The following ERBB4 variants were observed in gnomAD, a reference collection of about 807,000 sequenced individuals.
The protein encoded by ERBB4 is erb-b2 receptor tyrosine kinase 4.
A neutral mutation model predicts 158.0 loss-of-function variants in ERBB4; 42 were observed. The ratio of observed to expected loss-of-function variants is 0.27; its 90% CI spans 0.21 to 0.34. The LOEUF is 0.34. Among genes scored for constraint, ERBB4 ranks in the 10% least tolerant of loss-of-function variants. The pLI, the probability that ERBB4 is intolerant of heterozygous loss-of-function variation, is 1.00. For missense variants in ERBB4, 1,333 were observed against 1,624.1 expected, an observed-to-expected ratio of 0.82 and a Z score of 3.08; for synonymous variants, 583 against 558.7, an observed-to-expected ratio of 1.04 and a Z score of -0.61.
chr2:212,100,882 T>C (rs1053914777), intron 2 of ERBB4, among the ~76,000 whole-genome samples: 29 of 152,312 alleles, frequency 1.9e-4, no homozygotes, highest in African/African-American at 6.5e-4. Flanking sequence ...GGAAGGTTAC[T>C]ATTCTCAAGA....
At chr2:211,951,135 A>G (rs1289042469) in intron 2 of ERBB4, among the ~76,000 whole-genome samples, 1 of 152,160 alleles carries the variant, frequency 6.6e-6, no homozygotes, top group African/African-American at 2.4e-5. Flanking sequence ...CCATCATTCC[A>G]AAACAAACTT....
At chr2:211,774,489 G>A (rs1348433669) in intron 4 of ERBB4, among the ~76,000 whole-genome samples, 5 of 151,988 alleles carry the variant, frequency 3.3e-5, no homozygotes, top group Admixed American at 1.3e-4. Context: ...GTTTATATCC[G>A]CCTCTTCACG....
chr2:212,522,845 C>T (rs1008005898), intron 1 of ERBB4, among the ~76,000 whole-genome samples: 4 of 151,958 alleles, frequency 2.6e-5, no homozygotes, highest in South Asian at 4.1e-4. Context: ...CCATCTACCA[C>T]GCAGGTTTAA....
At position 211,788,017 on chromosome 2, in the gene ERBB4, CT is replaced by C; in HGVS notation, c.556+7del. On this transcript the variant is annotated splice_region_variant and intron_variant, in intron 4 of 27. Coordinates refer to ENST00000342788, the MANE Select transcript of ERBB4 (RefSeq NM_005235.3). ...TTTTGAGAAATTAAAAAGAATAATT[CT>C]ACTTACATCCTGAACTACCATTTGT... 6.2e-7 allele frequency: 1 copy of C among 1,613,106 alleles called. No individual in the cohort carries two copies. Among genetic ancestry groups the C allele is most frequent in the South Asian group, 1.1e-5 (1 of 91,042 alleles).
At chr2:211,952,908 G>T (rs889033401) in intron 2 of ERBB4, among the ~76,000 whole-genome samples, 1 of 151,834 alleles carries the variant, frequency 6.6e-6, no homozygotes, top group African/African-American at 2.4e-5. Context: ...CATTACATAA[G>T]AACTGTTGCT....
At chr2:211,756,850 G>A (rs1326568842) in intron 4 of ERBB4, among the ~76,000 whole-genome samples, 1 of 152,136 alleles carries the variant, frequency 6.6e-6, no homozygotes, top group Non-Finnish European at 1.5e-5. Flanking sequence ...TCAGATGCTT[G>A]GTAACCAAAC....
chr2:212,071,101 G>C (rs983026085), intron 2 of ERBB4, among the ~76,000 whole-genome samples: 2 of 151,856 alleles, frequency 1.3e-5, no homozygotes, highest in Admixed American at 1.3e-4. Flanking sequence ...CTGCATTGAA[G>C]AGGGGGGTGT....
chr2:212,136,256 A>G (rs1007238532), intron 1 of ERBB4, among the ~76,000 whole-genome samples: 1 of 152,236 alleles, frequency 6.6e-6, no homozygotes, highest in East Asian at 1.9e-4. Flanking sequence ...ACATTAAGAA[A>G]TGGACTATGG....
At chr2:212,142,918 T>C (rs2080532910) in intron 1 of ERBB4, among the ~76,000 whole-genome samples, 1 of 151,788 alleles carries the variant, frequency 6.6e-6, no homozygotes, top group African/African-American at 2.4e-5. Context: ...AATTGGAAAA[T>C]AGATGTTTAG....
At chr2:212,479,698 T>C (rs973580913) in intron 1 of ERBB4, among the ~76,000 whole-genome samples, 1 of 152,200 alleles carries the variant, frequency 6.6e-6, no homozygotes, top group Admixed American at 6.6e-5. Context: ...CTGGTTGCCC[T>C]ACATGTAACA....
At chr2:212,214,921 G>A (rs889114857) in intron 1 of ERBB4, among the ~76,000 whole-genome samples, 1 of 151,528 alleles carries the variant, frequency 6.6e-6, no homozygotes, top group Admixed American at 6.6e-5. Flanking sequence ...GACACATCAA[G>A]GAAAATGATT....
intron 1 of ERBB4, among the ~76,000 whole-genome samples, chr2:212,455,409 G>C (rs949540599): frequency 6.6e-6 from 1 of 152,118 alleles, no homozygotes; most frequent in Non-Finnish European, 1.5e-5. Flanking sequence ...GAGTTAGCCA[G>C]TAGAACTTTC....
chr2:211,550,594 T>TATATATATATATATATAA (rs1256961213), intron 20 of ERBB4, among the ~76,000 whole-genome samples: 3 of 145,270 alleles, frequency 2.1e-5, no homozygotes, highest in Non-Finnish European at 3.0e-5. Flanking sequence ...TATATATATA[T>TATATATATATATATATAA]AAATATATAG....
intron 1 of ERBB4, among the ~76,000 whole-genome samples, chr2:212,532,157 T>C (rs767465609): frequency 4.8e-4 from 73 of 152,242 alleles, no homozygotes; most frequent in Admixed American, 2.0e-3. Context: ...GAAAATGATA[T>C]TGGTGTCAGG....
At chr2:211,798,804 A>G (rs2076437584) in intron 3 of ERBB4, among the ~76,000 whole-genome samples, 1 of 152,154 alleles carries the variant, frequency 6.6e-6, no homozygotes, top group African/African-American at 2.4e-5. Flanking sequence ...TACTAAAGTT[A>G]GTTAATTAAA....
At chr2:211,736,936 C>T (rs896823728) in intron 5 of ERBB4, among the ~76,000 whole-genome samples, 2 of 152,048 alleles carry the variant, frequency 1.3e-5, no homozygotes, top group Admixed American at 1.3e-4. Flanking sequence ...AAATTATAAT[C>T]TCTCTGCTCA....
chr2:211,888,174 T>G (rs2078853731), intron 3 of ERBB4, among the ~76,000 whole-genome samples: 1 of 152,226 alleles, frequency 6.6e-6, no homozygotes, highest in Non-Finnish European at 1.5e-5. Context: ...ACTGCCACTC[T>G]AACAATGAAA....
intron 5 of ERBB4, among the ~76,000 whole-genome samples, chr2:211,748,010 C>A (rs539960001): frequency 4.6e-5 from 7 of 151,688 alleles, no homozygotes; most frequent in Admixed American, 2.0e-4. Flanking sequence ...ATGCATAATA[C>A]AATGTAAATG....
At position 211,379,268 on chromosome 2, in the gene ERBB4, A is replaced by G. The variant is rs1270637579; in HGVS notation, c.*4347T>C. Reference sequence around the variant, plus strand: ...CTGCATAAGGTAATAGAACATTTACATTTTCTTTACTTCATCTTGAAGACC... The same window carrying G: ...CTGCATAAGGTAATAGAACATTTACGTTTTCTTTACTTCATCTTGAAGACC... On this transcript the variant is annotated 3_prime_UTR_variant, in exon 28 of 28. Transcript: ENST00000342788. 7 of 228,878 alleles carry G rather than the reference A, an allele frequency of 3.1e-5. No homozygotes were observed. Among genetic ancestry groups the G allele is most frequent in the African/African-American group, 1.1e-4 (5 of 44,972 alleles). The allele number at this position is 228,878 out of a possible 1,614,324, so 14.2% of individuals were successfully genotyped here.
Sources: allele counts gnomAD v4.1 joint callset (sites outside exome capture counted in the v4.1 genomes callset), GRCh38; gene constraint gnomAD v4.1.1; transcripts MANE v1.5; gene names NCBI Gene and HGNC (gene_info 2026-07-23, HGNC 2026-07-21).